MYO18B: variants seen among roughly 807,000 people sequenced by gnomAD.
The protein encoded by MYO18B is myosin XVIIIB.
MYO18B carries 204 observed loss-of-function variants against 273.0 expected under a neutral mutation model. That is an observed-to-expected ratio of 0.75 (90% CI 0.67 to 0.84). The LOEUF (loss-of-function observed/expected upper bound fraction) is 0.84. Among genes scored for constraint, MYO18B ranks in the 40% least tolerant of loss-of-function variants. The probability of loss-of-function intolerance (pLI) is 0.00; values close to 1 mark genes in which losing one functional copy is unlikely to be tolerated. For missense variants in MYO18B, 3,212 were observed against 3,287.6 expected, an observed-to-expected ratio of 0.98 and a Z score of 0.56; for synonymous variants, 1,330 against 1,305.7, an observed-to-expected ratio of 1.02 and a Z score of -0.40.
In MYO18B at chr22:25,903,535, C is replaced by T. The variant is rs186436898; in HGVS notation, c.4948-96C>T. ...ATGGCAGGCATTGGAAAGTGGAAAA[C>T]GCCACTCCAGCCCCAGTTGGTTGTA... On this transcript the variant is annotated intron_variant, in intron 30 of 43. Coordinates refer to ENST00000335473, the MANE Select transcript of MYO18B (RefSeq NM_032608.7). 550 of 1,301,258 alleles carry T rather than the reference C, an allele frequency of 4.2e-4. 2 individuals carry two copies. The East Asian group carries it at 0.013, about 30-fold the overall frequency. The allele number at this position is 1,301,258 out of a possible 1,614,324, so 80.6% of individuals were successfully genotyped here. A position where few individuals can be genotyped will look rare whatever the true frequency, so the allele number is the denominator to read the frequency against.
At chr22:25,758,591 GGC>G (rs1188161779) in intron 1 of MYO18B, among the ~76,000 whole-genome samples, 1 of 152,082 alleles carries the variant, frequency 6.6e-6, no homozygotes, top group Non-Finnish European at 1.5e-5. Context: ...AAGTGAAAGC[GGC>G]CAGGGGTAAA....
In MYO18B at chr22:26,026,632, AGATTAGAACCT is replaced by A. The variant is rs756408696; in HGVS notation, c.6660_6670del (p.Arg2220SerfsTer74). On this transcript the variant is annotated frameshift_variant, in exon 43 of 44. Coordinates refer to ENST00000335473, the MANE Select transcript of MYO18B (RefSeq NM_032608.7). LOFTEE classifies it high-confidence loss of function. ...TGCCGTCCAGAGAAAGTCCACAGAG[AGATTAGAACCT>A]GCTTCCTCTCCCCTGGCTTCTCGGA... 228 of 1,613,568 alleles carry A rather than the reference AGATTAGAACCT, an allele frequency of 1.4e-4. No homozygotes were observed. The highest frequency in any genetic ancestry group is 1.9e-4 in the Non-Finnish European group (222 of 1,179,852).
chr22:25,996,246 C>A (rs1933225418), intron 40 of MYO18B, among the ~76,000 whole-genome samples: 1 of 152,066 alleles, frequency 6.6e-6, no homozygotes, highest in Non-Finnish European at 1.5e-5. Flanking sequence ...TAGCACATTA[C>A]CTTGCACATA....
chr22:25,989,769 A>G (rs2093244189), intron 39 of MYO18B, among the ~76,000 whole-genome samples: 1 of 77,864 alleles, frequency 1.3e-5, no homozygotes, highest in East Asian at 2.2e-4. Flanking sequence ...CTCCGTCTCA[A>G]AAAAAAAAAA....
At chr22:25,810,207 C>T (rs1175379323) in intron 12 of MYO18B, among the ~76,000 whole-genome samples, 3 of 151,172 alleles carry the variant, frequency 2.0e-5, no homozygotes, top group Non-Finnish European at 4.4e-5. Context: ...ATGCCATTCT[C>T]CTGCCTCAGC....
chr22:26,048,063 A>G, the MYO18B span, among the ~76,000 whole-genome samples: 1 of 152,124 alleles, frequency 6.6e-6, no homozygotes, highest in South Asian at 2.1e-4. Context: ...TTGCTGTCAG[A>G]GTCTAGAGTA....
intron 17 of MYO18B, among the ~76,000 whole-genome samples, chr22:25,841,608 G>A (rs549189717): frequency 1.2e-4 from 18 of 151,990 alleles, no homozygotes; most frequent in Non-Finnish European, 1.3e-4. Context: ...CTAGCCCAGA[G>A]ATGCTAACAT....
chr22:25,861,830 C>G (rs2090746400), intron 21 of MYO18B, among the ~76,000 whole-genome samples: 1 of 152,148 alleles, frequency 6.6e-6, no homozygotes, highest in South Asian at 2.1e-4. Flanking sequence ...TGCTCCACTT[C>G]AGATTAATAC....
intron 39 of MYO18B, among the ~76,000 whole-genome samples, chr22:25,979,854 C>T (rs1181340553): frequency 1.3e-5 from 2 of 152,122 alleles, no homozygotes; most frequent in African/African-American, 2.4e-5. Flanking sequence ...TTCTCCATCC[C>T]TGTGTGATAA....
At chr22:25,865,608 C>A (rs1255548412) in intron 21 of MYO18B, among the ~76,000 whole-genome samples, 1 of 152,168 alleles carries the variant, frequency 6.6e-6, no homozygotes, top group East Asian at 1.9e-4. Context: ...GAAACAGGTG[C>A]CGTTATTGTC....
In MYO18B at chr22:25,826,400, CTT is replaced by C. The variant is rs765255858; in HGVS notation, c.2696-7_2696-6del. On this transcript the variant is annotated splice_region_variant and splice_polypyrimidine_tract_variant and intron_variant, in intron 13 of 43. Coordinates refer to ENST00000335473, the MANE Select transcript of MYO18B (RefSeq NM_032608.7). ...TAACCAAGAATGCTGATTCTGTCCT[CTT>C]TCCCAGGGCTCAAGATGACAGGAGT... The C allele has an allele frequency of 6.2e-7, 1 of 1,608,604 alleles. No homozygotes were observed. Among genetic ancestry groups the C allele is most frequent in the South Asian group, 1.1e-5 (1 of 90,096 alleles).
intron 25 of MYO18B, among the ~76,000 whole-genome samples, chr22:25,889,063 CAATT>C (rs145273498): frequency 0.063 from 9,595 of 151,850 alleles, 654 homozygotes; most frequent in African/African-American, 0.17. Flanking sequence ...AAAAAAATCT[CAATT>C]AACAGTTTGG....
intron 42 of MYO18B, among the ~76,000 whole-genome samples, chr22:26,022,910 C>A (rs1935931670): frequency 6.6e-6 from 1 of 152,254 alleles, no homozygotes; most frequent in African/African-American, 2.4e-5. Flanking sequence ...TTGGGCCCAG[C>A]AAACCTATGG....
intron 20 of MYO18B, 113 bp downstream of exon 20, chr22:25,847,765 G>A: frequency 4.1e-6 from 3 of 738,764 alleles, no homozygotes; most frequent in Non-Finnish European, 6.7e-6. Flanking sequence ...TTCACACCCA[G>A]CATCCTGGTT....
chr22:25,898,457 A>G lies in MYO18B; in HGVS notation c.4819A>G (p.Lys1607Glu). ...AAACCATGAGCTGGAGAAGAAGCAG[A>G]AGAAGTGAGTTGCATCTCTCACCAT... ...SRNHELEKKQKKFDLQLAQAL... is the reference protein window; with the variant it reads ...SRNHELEKKQEKFDLQLAQAL... Residue 1607 changes from lysine (K) to glutamate (E), a missense_variant, in exon 29 of 44, where the codon AAG (lysine) becomes GAG (glutamate). Lys to Glu is a moderately conservative substitution (Grantham distance 56). Coordinates refer to ENST00000335473, the MANE Select transcript of MYO18B (RefSeq NM_032608.7). The G allele has an allele frequency of 6.2e-7, 1 of 1,613,546 alleles. No individual in the cohort carries two copies. Among genetic ancestry groups the G allele is most frequent in the Non-Finnish European group, 8.5e-7 (1 of 1,179,702 alleles).
At chr22:25,859,509 G>A (rs2090668798) in intron 21 of MYO18B, among the ~76,000 whole-genome samples, 1 of 151,994 alleles carries the variant, frequency 6.6e-6, no homozygotes, top group South Asian at 2.1e-4. Flanking sequence ...AATGTGTGAG[G>A]GTTTCATTTT....
At chr22:25,852,564 A>G (rs2090456060) in intron 21 of MYO18B, among the ~76,000 whole-genome samples, 1 of 152,210 alleles carries the variant, frequency 6.6e-6, no homozygotes, top group South Asian at 2.1e-4. Flanking sequence ...CTTATCGATG[A>G]TTAGAGAGCT....
intron 39 of MYO18B, among the ~76,000 whole-genome samples, chr22:25,962,596 G>GC (rs760621383): frequency 2.9e-4 from 44 of 152,308 alleles, no homozygotes; most frequent in Non-Finnish European, 4.3e-4. Flanking sequence ...TAGGGACTGT[G>GC]CCCTTGCATT....
chr22:25,792,125 C>T (rs13053185), intron 11 of MYO18B, among the ~76,000 whole-genome samples: 2 of 152,014 alleles, frequency 1.3e-5, no homozygotes, highest in Non-Finnish European at 2.9e-5. Context: ...AAGCAACACC[C>T]TTGGATGACA....
Sources: allele counts gnomAD v4.1 joint callset (sites outside exome capture counted in the v4.1 genomes callset), GRCh38; gene constraint gnomAD v4.1.1; transcripts MANE v1.5; gene names NCBI Gene and HGNC (gene_info 2026-07-23, HGNC 2026-07-21).